AOPEP: variants seen among roughly 807,000 people sequenced by gnomAD.
The protein encoded by AOPEP is aminopeptidase O.
AOPEP carries 77 observed loss-of-function variants against 98.1 expected under a neutral mutation model. The observed-to-expected ratio is 0.78, with a 90% CI of 0.65 to 0.95. The LOEUF (loss-of-function observed/expected upper bound fraction) is 0.95. Ranked by LOEUF, AOPEP falls within the 40% of genes least tolerant of loss-of-function variation. The pLI is 0.00. For synonymous variants in AOPEP, 346 were observed against 365.3 expected (o/e 0.95, Z 0.60); for missense variants, 1,024 against 1,024.7 (o/e 1.00, Z 0.01).
rs140356554 is a variant in AOPEP at position 94,803,201 on chromosome 9, A to G, written c.1364+2199A>G. Among the ~76,000 whole-genome samples the G allele has an allele frequency of 5.5e-4, 84 of 152,274 alleles. 3 individuals carry two copies. In the East Asian group the frequency reaches 0.014, roughly 25 times the overall value. ...GTCTTCTTAGTTATAATATGCTGAG[A>G]GATCAAAGGACTTCTTGGTAAATTA... On this transcript the variant is annotated intron_variant, in intron 5 of 16. Transcript: ENST00000375315.
At chr9:94,935,771 G>A (rs1057261742) in intron 7 of AOPEP, among the ~76,000 whole-genome samples, 7 of 152,164 alleles carry the variant, frequency 4.6e-5, no homozygotes, top group African/African-American at 1.4e-4. Context: ...GTCTCCACCA[G>A]CAGCCCCACT....
intron 1 of AOPEP, among the ~76,000 whole-genome samples, chr9:94,728,981 A>G (rs1338033245): frequency 6.6e-6 from 1 of 152,230 alleles, no homozygotes; most frequent in Admixed American, 6.5e-5. Flanking sequence ...ATAATCACTG[A>G]GGGAAAAGGA....
the AOPEP span, among the ~76,000 whole-genome samples, chr9:95,129,613 G>T: frequency 8.5e-5 from 13 of 152,158 alleles, no homozygotes; most frequent in Non-Finnish European, 1.5e-5. Context: ...ACCTTTTGTG[G>T]TTTCCATCTG....
intron 11 of AOPEP, among the ~76,000 whole-genome samples, chr9:94,992,657 G>A (rs1002138653): frequency 5.3e-5 from 8 of 152,232 alleles, no homozygotes; most frequent in Non-Finnish European, 7.3e-5. Context: ...CCTCGAAGCC[G>A]TGTAGCAGTG....
At chr9:94,872,215 G>A (rs1003270839) in intron 5 of AOPEP, among the ~76,000 whole-genome samples, 1 of 152,130 alleles carries the variant, frequency 6.6e-6, no homozygotes, top group African/African-American at 2.4e-5. Flanking sequence ...TGGATCGATG[G>A]CAGGGCGAAC....
chr9:94,906,482 T>TAATAATAATAATAATAATAA lies in AOPEP; in HGVS notation c.1365-17502_1365-17501insTAATAATAATAATAATAAAA, dbSNP rs1367536683. On this transcript the variant is annotated intron_variant, in intron 5 of 16. Transcript: ENST00000375315. ...ATAATAATAATAATAATAATAATAA[T>TAATAATAATAATAATAATAA]AAAAAAACAGACCCCCTCTCTATAA... Among the ~76,000 whole-genome samples, 13 of 95,444 alleles carry TAATAATAATAATAATAATAA rather than the reference T, an allele frequency of 1.4e-4. No individual in the cohort carries two copies. In the South Asian group the frequency reaches 1.6e-3, roughly 12 times the overall value. 62.6% of individuals were successfully genotyped at this position (95,444 alleles called of 152,430 possible).
chr9:94,789,942 C>T (rs573723535), intron 3 of AOPEP, among the ~76,000 whole-genome samples: 5 of 151,818 alleles, frequency 3.3e-5, no homozygotes, highest in East Asian at 3.9e-4. Flanking sequence ...GGCGCAATCT[C>T]GGCTCACTGC....
intron 13 of AOPEP, among the ~76,000 whole-genome samples, chr9:95,044,900 G>T (rs2065695941): frequency 6.6e-6 from 1 of 152,166 alleles, no homozygotes; most frequent in Non-Finnish European, 1.5e-5. Context: ...ACATTTGAGG[G>T]TTACATTTGG....
intron 5 of AOPEP, among the ~76,000 whole-genome samples, chr9:94,889,573 G>A (rs529712650): frequency 7.3e-5 from 11 of 150,878 alleles, no homozygotes; most frequent in Non-Finnish European, 1.6e-4. Context: ...CTGCAGCCTC[G>A]ACCTCCTGGG....
At chr9:94,957,987 G>A (rs995280590) in intron 9 of AOPEP, among the ~76,000 whole-genome samples, 5 of 151,746 alleles carry the variant, frequency 3.3e-5, no homozygotes, top group Admixed American at 1.3e-4. Context: ...TCACATTTTT[G>A]TGCGATCATT....
At chr9:95,128,889 T>C in the AOPEP span, among the ~76,000 whole-genome samples, 1 of 152,018 alleles carries the variant, frequency 6.6e-6, no homozygotes. Flanking sequence ...GGCAGAGATT[T>C]TGATTTGAAA....
At chr9:94,840,507 A>G (rs535869787) in intron 5 of AOPEP, among the ~76,000 whole-genome samples, 11 of 152,336 alleles carry the variant, frequency 7.2e-5, no homozygotes, top group Admixed American at 5.2e-4. Context: ...TTCTGGCCTT[A>G]TAAACTGAGT....
intron 5 of AOPEP, among the ~76,000 whole-genome samples, chr9:94,855,208 G>A (rs1463439109): frequency 6.6e-6 from 1 of 152,086 alleles, no homozygotes; most frequent in Non-Finnish European, 1.5e-5. Context: ...CTCCTGAGTA[G>A]CTGGGACTAC....
chr9:94,856,929 C>G (rs1054444673), intron 5 of AOPEP, among the ~76,000 whole-genome samples: 1 of 152,196 alleles, frequency 6.6e-6, no homozygotes, highest in African/African-American at 2.4e-5. Context: ...AAATTTGGAT[C>G]ACAGCTTGGC....
Position 94,917,843 on chromosome 9 carries a change from T to G in AOPEP, c.1365-6143T>G, listed in dbSNP as rs1369251138. 3.9e-5 allele frequency among the ~76,000 whole-genome samples: 6 copies of G among 152,218 alleles called. No homozygotes were observed. In the South Asian group the frequency reaches 1.2e-3, roughly 32 times the overall value. The stretch of plus-strand genomic sequence containing the variant: ...CCTGTTGGCCTCTTTTGTAATGAGC[T>G]TCCTTCGTCTTATTTTCTTCCCTCA... On this transcript the variant is annotated intron_variant, in intron 5 of 16. Coordinates refer to ENST00000375315, the MANE Select transcript of AOPEP (RefSeq NM_001193329.3).
At chr9:95,049,757 A>G (rs762986479) in intron 13 of AOPEP, among the ~76,000 whole-genome samples, 1 of 152,258 alleles carries the variant, frequency 6.6e-6, no homozygotes, top group Non-Finnish European at 1.5e-5. Flanking sequence ...GATTATTGCT[A>G]GAAAGCACAT....
rs189094162 is a variant in AOPEP at position 94,923,064 on chromosome 9, A to T, written c.1365-922A>T. Among the ~76,000 whole-genome samples, 17 of 152,290 alleles carry T rather than the reference A, an allele frequency of 1.1e-4. No homozygotes were observed. The East Asian group carries it at 2.1e-3, about 19-fold the overall frequency. ...TTTCACAACTGTTTTTGTTCAACTG[A>T]TGGAGGAGAGATTTTTTTAAGGGCA... On this transcript the variant is annotated intron_variant, in intron 5 of 16. Coordinates refer to ENST00000375315, the MANE Select transcript of AOPEP (RefSeq NM_001193329.3).
downstream of AOPEP, among the ~76,000 whole-genome samples, chr9:95,087,429 G>A (rs2070785440): frequency 8.0e-6 from 1 of 125,096 alleles, no homozygotes; most frequent in Admixed American, 1.1e-4. Context: ...GTTGCAGTGA[G>A]CCGAGATTGC....
intron 9 of AOPEP, among the ~76,000 whole-genome samples, chr9:94,960,909 G>A (rs1162900857): frequency 1.3e-5 from 2 of 151,992 alleles, no homozygotes; most frequent in Non-Finnish European, 2.9e-5. Context: ...CTACTCGGGA[G>A]GCTGAGGCAG....
Sources: gnomAD v4.1 joint callset for allele counts (sites outside exome capture counted in the v4.1 genomes callset) on GRCh38, gnomAD v4.1.1 for gene constraint, MANE v1.5 for transcripts, NCBI Gene and HGNC (gene_info 2026-07-23, HGNC 2026-07-21) for gene names.